The following PRKCQ variants were observed in gnomAD, a reference collection of about 807,000 sequenced individuals.
PRKCQ encodes protein kinase C theta.
Under a neutral mutation model 91.2 loss-of-function variants are expected in PRKCQ, and 41 were observed. The observed-to-expected ratio is 0.45, with a 90% CI of 0.35 to 0.58. The LOEUF is 0.58. Ranked by LOEUF, PRKCQ falls within the 20% of genes least tolerant of loss-of-function variation. The probability of loss-of-function intolerance (pLI) is 0.00; values close to 1 mark genes in which losing one functional copy is unlikely to be tolerated. For missense variants in PRKCQ, 673 were observed against 896.5 expected (o/e 0.75, Z 3.18); for synonymous variants, 307 against 316.9 (o/e 0.97, Z 0.33).
At chr10:6,403,367 G>T in the PRKCQ span, among the ~76,000 whole-genome samples, 1 of 152,216 alleles carries the variant, frequency 6.6e-6, no homozygotes, top group African/African-American at 2.4e-5. Flanking sequence ...AGAGAAAAGT[G>T]CTTCTGATGT....
intron 1 of PRKCQ, among the ~76,000 whole-genome samples, chr10:6,535,080 C>T (rs1334788291): frequency 6.6e-6 from 1 of 152,070 alleles, no homozygotes; most frequent in Non-Finnish European, 1.5e-5. Context: ...ACACTTTCTC[C>T]AAGGCTGCCG....
At chr10:6,530,683 CCAGTTG>C (rs1166045887) in intron 1 of PRKCQ, among the ~76,000 whole-genome samples, 1 of 152,230 alleles carries the variant, frequency 6.6e-6, no homozygotes, top group Non-Finnish European at 1.5e-5. Context: ...TTGCTCACAT[CCAGTTG>C]CAGTCAGAAA....
chr10:6,507,400 C>T (rs1248880735), intron 4 of PRKCQ, 36 bp downstream of exon 4: 4 of 1,577,884 alleles, frequency 2.5e-6, no homozygotes, highest in South Asian at 1.1e-5. Context: ...GCCATGCCCT[C>T]CTCACCCCCA....
At chr10:6,451,386 G>A (rs1834666780) in intron 15 of PRKCQ, among the ~76,000 whole-genome samples, 1 of 152,118 alleles carries the variant, frequency 6.6e-6, no homozygotes, top group Admixed American at 6.5e-5. Flanking sequence ...GGAAGAAGTT[G>A]AATCTCTGAA....
the PRKCQ span, among the ~76,000 whole-genome samples, chr10:6,400,830 T>C: frequency 6.6e-6 from 1 of 151,502 alleles, no homozygotes; most frequent in Non-Finnish European, 1.5e-5. Flanking sequence ...CTGGGCGACA[T>C]AGAAAGACCC....
At position 6,511,079 on chromosome 10, in the gene PRKCQ, G is replaced by A. The variant is rs576780234; in HGVS notation, c.234C>T (p.Asn78=). Residue 78 remains asparagine, a synonymous_variant, in exon 3 of 18, where the codon AAC becomes AAT. Transcript: ENST00000263125. ...RVMQIIVKGK[N]VDLISETTVE... is the part of the protein sequence containing the mutation. The stretch of plus-strand genomic sequence containing the variant: ...CGGTGGTTTCAGAGATGAGGTCCAC[G>A]TTTTTGCCTTTCACAATGATCTGCA... The A allele has an allele frequency of 1.9e-5, 30 of 1,614,142 alleles. No individual in the cohort carries two copies. Among genetic ancestry groups the A allele is most frequent in the Admixed American group, 1.7e-4 (10 of 60,026 alleles).
intron 1 of PRKCQ, among the ~76,000 whole-genome samples, chr10:6,577,950 A>G (rs150830487): frequency 1.3e-5 from 2 of 152,348 alleles, no homozygotes; most frequent in East Asian, 3.9e-4. Context: ...CCCAGTCCAC[A>G]TGGAATTTTG....
chr10:6,416,284 G>A, the PRKCQ span, among the ~76,000 whole-genome samples: 5 of 151,856 alleles, frequency 3.3e-5, no homozygotes, highest in Admixed American at 2.0e-4. Context: ...GTTCTTTAGC[G>A]GTGATTTCTG....
At chr10:6,472,891 T>C in intron 12 of PRKCQ, among the ~76,000 whole-genome samples, 1 of 152,132 alleles carries the variant, frequency 6.6e-6, no homozygotes, top group Non-Finnish European at 1.5e-5. Context: ...TTTTGTATTT[T>C]TAGTGGAGAC....
chr10:6,441,904 G>A lies in PRKCQ; in HGVS notation c.1825C>T (p.Leu609Phe). ...PRWLEKEAKD[L>F]LVKLFVREPE... ...GCTTCGCTTCTTACCTTCACCAGAA[G>A]GTCCTTTGCTTCCTTCTCCAGCCAC... The change falls in exon 16 of 18, where the codon CTT becomes TTT. Residue 609 changes from leucine to phenylalanine, a missense_variant. Leu to Phe is a conservative substitution (Grantham distance 22, BLOSUM62 0). Transcript: ENST00000263125. The A allele has an allele frequency of 6.2e-7, 1 of 1,603,308 alleles. No individual in the cohort carries two copies. The highest frequency in any genetic ancestry group is 1.7e-5 in the Admixed American group (1 of 59,784).
In PRKCQ at chr10:6,485,462, C is replaced by T. The variant is rs576763417; in HGVS notation, c.901-193G>A. On this transcript the variant is annotated intron_variant, in intron 9 of 17. Coordinates refer to ENST00000263125, the MANE Select transcript of PRKCQ (RefSeq NM_006257.5). ...TATCTACTGTATTTTATGCATTAGC[C>T]GAACACGTTTGCCTCCTTCACACTT... Among the ~76,000 whole-genome samples the T allele has an allele frequency of 5.9e-5, 9 of 152,304 alleles. No individual in the cohort carries two copies. In the East Asian group the frequency reaches 7.7e-4, roughly 13 times the overall value.
chr10:6,526,751 A>T (rs1412095680), intron 1 of PRKCQ, among the ~76,000 whole-genome samples: 1 of 152,212 alleles, frequency 6.6e-6, no homozygotes, highest in African/African-American at 2.4e-5. Flanking sequence ...CTTGGAGTTC[A>T]GGTAGGACAC....
In PRKCQ at chr10:6,446,011, T is replaced by C. The variant is rs113010498; in HGVS notation, c.1648-3930A>G. 5.9e-5 allele frequency among the ~76,000 whole-genome samples: 9 copies of C among 152,350 alleles called. 1 individual carries two copies. Among genetic ancestry groups the C allele is most frequent in the African/African-American group, 2.2e-4 (9 of 41,588 alleles). The stretch of plus-strand genomic sequence containing the variant: ...ATTAAGGCTTCAAAGCTTGGCGATG[T>C]TGGTAAAAAATTTCAGTTTTACCTT... On this transcript the variant is annotated intron_variant, in intron 15 of 17. Transcript: ENST00000263125.
At chr10:6,431,469 CAT>C (rs1833424449) in intron 16 of PRKCQ, among the ~76,000 whole-genome samples, 1 of 152,146 alleles carries the variant, frequency 6.6e-6, no homozygotes, top group Non-Finnish European at 1.5e-5. Context: ...GACATGAACA[CAT>C]ACACCTGCAC....
rs1003961800 is a variant in PRKCQ, at chr10:6,559,660, G to A, written c.-10+20551C>T. ...AGGTGTGAGCCACCGTGCCTGGCCT[G>A]TATCTTTTTCTGTTAACCATGATTT... On this transcript the variant is annotated intron_variant, in intron 1 of 17. Coordinates refer to ENST00000263125, the MANE Select transcript of PRKCQ (RefSeq NM_006257.5). Among the ~76,000 whole-genome samples the A allele has an allele frequency of 3.9e-5, 6 of 152,126 alleles. No individual in the cohort carries two copies. The South Asian group carries it at 1.2e-3, about 32-fold the overall frequency.
At chr10:6,558,708 C>T (rs192778957) in intron 1 of PRKCQ, among the ~76,000 whole-genome samples, 1 of 152,254 alleles carries the variant, frequency 6.6e-6, no homozygotes, top group African/African-American at 2.4e-5. Flanking sequence ...AGGAGGTGGT[C>T]ACCGTGATGC....
intron 15 of PRKCQ, among the ~76,000 whole-genome samples, chr10:6,445,675 T>C (rs1834244310): frequency 6.6e-6 from 1 of 152,242 alleles, no homozygotes; most frequent in African/African-American, 2.4e-5. Flanking sequence ...AATATAAAAA[T>C]GCTACCCACT....
At chr10:6,417,329 T>G in the PRKCQ span, among the ~76,000 whole-genome samples, 1 of 152,204 alleles carries the variant, frequency 6.6e-6, no homozygotes, top group Non-Finnish European at 1.5e-5. Flanking sequence ...CAGATTTGTG[T>G]CTTTGGTTGG....
At chr10:6,486,258 A>G in intron 8 of PRKCQ, 114 bp from the exon 9 acceptor site, 2 of 831,066 alleles carry the variant, frequency 2.4e-6, no homozygotes, top group East Asian at 2.7e-5. Context: ...CTAAAGTGCC[A>G]CGGCTGGGAG....
Sources: gnomAD v4.1 joint callset for allele counts (sites outside exome capture counted in the v4.1 genomes callset) on GRCh38, gnomAD v4.1.1 for gene constraint, MANE v1.5 for transcripts, NCBI Gene and HGNC (gene_info 2026-07-23, HGNC 2026-07-21) for gene names.